TRHDE: variants seen among roughly 807,000 people sequenced by gnomAD.
TRHDE encodes the protein thyrotropin-releasing hormone-degrading ectoenzyme.
TRHDE carries 72 observed loss-of-function variants against 125.7 expected under a neutral mutation model. The ratio of observed to expected loss-of-function variants is 0.57; its 90% CI spans 0.47 to 0.70. TRHDE has a LOEUF of 0.70. Among genes scored for constraint, TRHDE ranks in the 30% least tolerant of loss-of-function variants. The pLI, the probability that TRHDE is intolerant of heterozygous loss-of-function variation, is 0.00. For missense variants in TRHDE, 1,110 were observed against 1,327.1 expected (o/e 0.84, Z 2.54); for synonymous variants, 509 against 509.1 (o/e 1.00, Z 0.00).
At chr12:72,538,501 C>T (rs1868981584) in intron 6 of TRHDE, among the ~76,000 whole-genome samples, 1 of 151,906 alleles carries the variant, frequency 6.6e-6, no homozygotes, top group African/African-American at 2.4e-5. Flanking sequence ...TTATACGATT[C>T]TGTTTTCTAT....
chr12:72,201,651 G>A (rs527598316), intron 2 of TRHDE, among the ~76,000 whole-genome samples: 3 of 151,974 alleles, frequency 2.0e-5, no homozygotes, highest in Non-Finnish European at 4.4e-5. Context: ...AGGGAGTAAA[G>A]CATGCTGGGA....
At chr12:72,188,241 C>G (rs945781147) in intron 2 of TRHDE, among the ~76,000 whole-genome samples, 3 of 152,142 alleles carry the variant, frequency 2.0e-5, no homozygotes, top group Admixed American at 6.6e-5. Flanking sequence ...TCAGTAGTTC[C>G]AAGTCTTGAG....
At chr12:72,449,488 A>G (rs1241165111) in intron 3 of TRHDE, among the ~76,000 whole-genome samples, 1 of 150,744 alleles carries the variant, frequency 6.6e-6, no homozygotes, top group Non-Finnish European at 1.5e-5. Context: ...TCCTTCAAAA[A>G]GCTTTTTAAA....
intron 3 of TRHDE, among the ~76,000 whole-genome samples, chr12:72,462,415 A>G (rs757159475): frequency 3.9e-5 from 6 of 152,162 alleles, no homozygotes; most frequent in Non-Finnish European, 8.8e-5. Context: ...GAGTGAAACC[A>G]TGGAATTCAT....
At chr12:72,209,232 T>C (rs1228625787) in intron 2 of TRHDE, among the ~76,000 whole-genome samples, 3 of 152,140 alleles carry the variant, frequency 2.0e-5, no homozygotes, top group African/African-American at 7.2e-5. Flanking sequence ...CTCATCTCAG[T>C]AACAGGTGGC....
intron 2 of TRHDE, among the ~76,000 whole-genome samples, chr12:72,161,706 A>C (rs1321943255): frequency 6.6e-6 from 1 of 152,200 alleles, no homozygotes; most frequent in African/African-American, 2.4e-5. Flanking sequence ...TGTTGGCAGA[A>C]GTATAGGGAG....
At chr12:72,334,675 A>G (rs1049749970) in intron 2 of TRHDE, among the ~76,000 whole-genome samples, 4 of 152,214 alleles carry the variant, frequency 2.6e-5, no homozygotes, top group Non-Finnish European at 5.9e-5. Flanking sequence ...TAGCTCTAGA[A>G]CTGGGAGCCT....
intron 5 of TRHDE, among the ~76,000 whole-genome samples, chr12:72,481,525 G>C (rs1877172474): frequency 6.7e-6 from 1 of 149,860 alleles, no homozygotes; most frequent in Non-Finnish European, 1.5e-5. Flanking sequence ...AGTAAGACCT[G>C]TCAGTACCTG....
chr12:72,565,671 GT>G (rs1320321017), intron 9 of TRHDE, among the ~76,000 whole-genome samples: 1 of 152,124 alleles, frequency 6.6e-6, no homozygotes, highest in Non-Finnish European at 1.5e-5. Flanking sequence ...CATCTGAACA[GT>G]TTTTCACAAA....
chr12:72,334,216 C>T (rs965157761), intron 2 of TRHDE, among the ~76,000 whole-genome samples: 18 of 152,230 alleles, frequency 1.2e-4, no homozygotes, highest in African/African-American at 2.2e-4. Flanking sequence ...TTGCCATAGT[C>T]GACATTTTGC....
chr12:72,413,141 C>G (rs1366997062), intron 3 of TRHDE, among the ~76,000 whole-genome samples: 1 of 151,992 alleles, frequency 6.6e-6, no homozygotes, highest in Non-Finnish European at 1.5e-5. Context: ...TTTAAAAGAT[C>G]CAGTTAGGCA....
chr12:72,575,574 A>G lies in TRHDE; in HGVS notation c.2321+32A>G, dbSNP rs750204395. 4 of 1,606,274 alleles carry G rather than the reference A, an allele frequency of 2.5e-6. No homozygotes were observed. The Admixed American group carries it at 6.7e-5, about 27-fold the overall frequency. ...TTTCCTGTGGATCTCCCCAATAAAA[A>G]CTTGTGCCTGCAAGACTTCCTGTAT... is the stretch of plus-strand genomic sequence containing the variant. On this transcript the variant is annotated intron_variant, in intron 12 of 18. Transcript: ENST00000261180.
chr12:72,542,244 A>G (rs373996203), intron 6 of TRHDE, 47 bp from the exon 7 acceptor site: 10 of 1,440,738 alleles, frequency 6.9e-6, no homozygotes, highest in Non-Finnish European at 8.6e-6. Context: ...CTTTACAATC[A>G]TGATACTTTG....
chr12:72,551,275 A>C (rs772555963), intron 7 of TRHDE, among the ~76,000 whole-genome samples: 1 of 152,058 alleles, frequency 6.6e-6, no homozygotes, highest in Non-Finnish European at 1.5e-5. Context: ...CTACCTCTGT[A>C]TTTTTGTTTA....
intron 2 of TRHDE, among the ~76,000 whole-genome samples, chr12:72,300,005 C>T (rs1181113434): frequency 6.6e-6 from 1 of 152,096 alleles, no homozygotes; most frequent in African/African-American, 2.4e-5. Context: ...GAAGAGTACA[C>T]AGAAAGGATG....
intron 18 of TRHDE, among the ~76,000 whole-genome samples, chr12:72,658,177 G>T (rs1046348776): frequency 6.6e-6 from 1 of 152,000 alleles, no homozygotes; most frequent in African/African-American, 2.4e-5. Flanking sequence ...GAAAGCCCCA[G>T]AACATATTTT....
chr12:72,579,349 T>A (rs558194572), intron 12 of TRHDE, among the ~76,000 whole-genome samples: 1 of 152,252 alleles, frequency 6.6e-6, no homozygotes, highest in East Asian at 1.9e-4. Context: ...TATTCATTAC[T>A]GGTTAAAAAG....
At chr12:72,582,390 T>C (rs1338246895) in intron 12 of TRHDE, 1 of 985,248 alleles carries the variant, frequency 1.0e-6, no homozygotes, top group African/African-American at 1.7e-5. Context: ...ATTGTTAAAA[T>C]AACCTTAACA....
At chr12:72,424,858 C>T (rs1246747155) in intron 3 of TRHDE, among the ~76,000 whole-genome samples, 4 of 152,002 alleles carry the variant, frequency 2.6e-5, no homozygotes, top group African/African-American at 9.7e-5. Context: ...TAAAAGAATG[C>T]TAAATTCTCA....
Sources: allele counts gnomAD v4.1 joint callset (sites outside exome capture counted in the v4.1 genomes callset), GRCh38; gene constraint gnomAD v4.1.1; transcripts MANE v1.5; gene names NCBI Gene and HGNC (gene_info 2026-07-23, HGNC 2026-07-21).